Variants in NEK7 observed in about 807,000 individuals in gnomAD.
The protein encoded by NEK7 is serine/threonine-protein kinase Nek7.
In NEK7, 18 loss-of-function variants were observed where a neutral mutation model predicts 44.6. That is an observed-to-expected ratio of 0.40 (90% CI 0.28 to 0.60). The LOEUF is 0.60. Among genes scored for constraint, NEK7 ranks in the 20% least tolerant of loss-of-function variants. The pLI, the probability that NEK7 is intolerant of heterozygous loss-of-function variation, is 0.38. For synonymous variants in NEK7, 130 were observed against 121.1 expected (o/e 1.07, Z -0.48); for missense variants, 256 against 366.5 (o/e 0.70, Z 2.46).
At chr1:198,219,199 T>G (rs903988693) in intron 1 of NEK7, among the ~76,000 whole-genome samples, 5 of 151,030 alleles carry the variant, frequency 3.3e-5, no homozygotes, top group East Asian at 1.9e-4. Context: ...AAAATATTGG[T>G]GTGTGTGTGT....
intron 9 of NEK7, among the ~76,000 whole-genome samples, chr1:198,309,116 G>C (rs1218881535): frequency 1.1e-4 from 16 of 152,180 alleles, no homozygotes; most frequent in Admixed American, 1.0e-3. Flanking sequence ...GTAGAACAGA[G>C]TTAAGTTCCA....
At chr1:198,292,240 T>G (rs946172181) in intron 7 of NEK7, among the ~76,000 whole-genome samples, 1 of 151,920 alleles carries the variant, frequency 6.6e-6, no homozygotes, top group African/African-American at 2.4e-5. Context: ...AAAACAGTCA[T>G]TAAAAAAAGA....
chr1:198,204,717 CAAAAAAAAAAAA>C (rs58273857), intron 1 of NEK7, among the ~76,000 whole-genome samples: 1 of 87,890 alleles, frequency 1.1e-5, no homozygotes, highest in African/African-American at 4.0e-5. Context: ...GACTCCGTCT[CAAAAAAAAAAAA>C]AAAAAAAAAG....
At chr1:198,309,885 A>G (rs1272418940) in intron 9 of NEK7, among the ~76,000 whole-genome samples, 5 of 152,196 alleles carry the variant, frequency 3.3e-5, no homozygotes, top group East Asian at 1.9e-4. Context: ...GCTATTGTGA[A>G]TAATGCCGCA....
intron 1 of NEK7, among the ~76,000 whole-genome samples, chr1:198,213,774 C>T (rs527917453): frequency 1.7e-3 from 257 of 152,252 alleles, no homozygotes; most frequent in Middle Eastern, 6.8e-3. Context: ...AGCACTTCCC[C>T]AGCCACCTCT....
chr1:198,219,442 G>A (rs1314199285), intron 1 of NEK7, among the ~76,000 whole-genome samples: 1 of 151,240 alleles, frequency 6.6e-6, no homozygotes, highest in Non-Finnish European at 1.5e-5. Context: ...TCTAAATGAA[G>A]TAAATGAGGA....
rs1273110511 is a variant in NEK7, at chr1:198,198,253, A to G, written c.-28-34300A>G. On this transcript the variant is annotated intron_variant, in intron 1 of 9. Transcript: ENST00000367385. ...TGATGCATTCTCCTCAGCTCAATAC[A>G]TTTTTAGAAGGGAACCCCCCATGTG... 5.2e-6 allele frequency: 3 copies of G among 575,410 alleles called. No individual in the cohort carries two copies. In the East Asian group the frequency reaches 1.0e-4, roughly 20 times the overall value. The allele number at this position is 575,410 out of a possible 1,614,324, so 35.6% of individuals were successfully genotyped here. A position where few individuals can be genotyped will look rare whatever the true frequency, so the allele number is the denominator to read the frequency against.
At chr1:198,316,353 G>A (rs1456120385) in intron 9 of NEK7, among the ~76,000 whole-genome samples, 1 of 152,154 alleles carries the variant, frequency 6.6e-6, no homozygotes, top group East Asian at 1.9e-4. Context: ...TAATCAAAGA[G>A]ATTTATATTG....
intron 1 of NEK7, among the ~76,000 whole-genome samples, chr1:198,165,356 A>G (rs920563895): frequency 6.6e-6 from 1 of 152,260 alleles, no homozygotes; most frequent in Admixed American, 6.5e-5. Flanking sequence ...TATGACAGCT[A>G]TAGATTTAAG....
intron 2 of NEK7, among the ~76,000 whole-genome samples, chr1:198,250,509 T>C (rs1252805937): frequency 8.7e-5 from 13 of 149,590 alleles, no homozygotes; most frequent in South Asian, 4.3e-4. Context: ...TTCCTACCCA[T>C]GAGCATGGAA....
intron 1 of NEK7, among the ~76,000 whole-genome samples, chr1:198,219,259 A>G (rs1040844109): frequency 2.0e-5 from 3 of 149,910 alleles, no homozygotes; most frequent in Non-Finnish European, 3.0e-5. Context: ...TTACATAAAA[A>G]TGTTTATAAT....
At chr1:198,239,255 C>G (rs1170616479) in intron 2 of NEK7, among the ~76,000 whole-genome samples, 1 of 152,080 alleles carries the variant, frequency 6.6e-6, no homozygotes. Flanking sequence ...TTTTACATTG[C>G]TTTATATAAC....
At chr1:198,225,677 C>A (rs1280877022) in intron 1 of NEK7, among the ~76,000 whole-genome samples, 1 of 152,192 alleles carries the variant, frequency 6.6e-6, no homozygotes, top group East Asian at 1.9e-4. Flanking sequence ...CCGTCTCCCA[C>A]AACTCACCAA....
intron 1 of NEK7, among the ~76,000 whole-genome samples, chr1:198,159,595 A>G (rs1014132651): frequency 6.6e-6 from 1 of 152,202 alleles, no homozygotes; most frequent in Non-Finnish European, 1.5e-5. Flanking sequence ...TAACAAGACT[A>G]ACTTTATTTC....
intron 9 of NEK7, among the ~76,000 whole-genome samples, chr1:198,305,810 A>G (rs1262297430): frequency 2.6e-5 from 4 of 152,288 alleles, no homozygotes; most frequent in African/African-American, 9.6e-5. Context: ...ATGTGAAGGC[A>G]GATCCATTAA....
At chr1:198,188,933 A>G (rs1364840161) in intron 1 of NEK7, among the ~76,000 whole-genome samples, 1 of 152,170 alleles carries the variant, frequency 6.6e-6, no homozygotes, top group Non-Finnish European at 1.5e-5. Context: ...AAGTTGTGCA[A>G]CCAGGCATTG....
chr1:198,183,041 A>G (rs1664813341), intron 1 of NEK7, among the ~76,000 whole-genome samples: 1 of 152,202 alleles, frequency 6.6e-6, no homozygotes, highest in South Asian at 2.1e-4. Context: ...TGAAATTATA[A>G]TAGGATTTCT....
Position 198,262,652 on chromosome 1 carries a change from G to GTTGACTCTT in NEK7, c.261+20_261+28dup, listed in dbSNP as rs1254875439. 6.7e-7 allele frequency: 1 copy of GTTGACTCTT among 1,491,436 alleles called. No homozygotes were observed. The highest frequency in any genetic ancestry group is 1.2e-5 in the South Asian group (1 of 85,234). The allele number at this position is 1,491,436 out of a possible 1,614,324, so 92.4% of individuals were successfully genotyped here. A position where few individuals can be genotyped will look rare whatever the true frequency, so the allele number is the denominator to read the frequency against. ...ATCTTCTTAAGGTAATTAATGAACT[G>GTTGACTCTT]TTGACTCTTTTGAACATAACATGGT... On this transcript the variant is annotated intron_variant, in intron 4 of 9. Transcript: ENST00000367385.
Position 198,279,072 on chromosome 1 carries a change from C to T in NEK7, c.589+11C>T. 1.3e-6 allele frequency: 2 copies of T among 1,515,352 alleles called. No individual in the cohort carries two copies. Among genetic ancestry groups the T allele is most frequent in the Non-Finnish European group, 1.8e-6 (2 of 1,091,114 alleles). The allele number at this position is 1,515,352 out of a possible 1,614,324, so 93.9% of individuals were successfully genotyped here. On this transcript the variant is annotated intron_variant, in intron 7 of 9. Transcript: ENST00000367385. The stretch of plus-strand genomic sequence containing the variant: ...CTGCACATTCTTTAGGTAAGAGACA[C>T]AATATAATTTCATTCAGTTACTTTG...
Sources: gnomAD v4.1 joint callset for allele counts (sites outside exome capture counted in the v4.1 genomes callset) on GRCh38, gnomAD v4.1.1 for gene constraint, MANE v1.5 for transcripts, NCBI Gene and HGNC (gene_info 2026-07-23, HGNC 2026-07-21) for gene names.